MYOZ2: variants seen among roughly 807,000 people sequenced by gnomAD.
The protein encoded by MYOZ2 is myozenin 2.
A neutral mutation model predicts 25.4 loss-of-function variants in MYOZ2; 19 were observed. That is an observed-to-expected ratio of 0.75 (90% confidence interval 0.52 to 1.10). The LOEUF (loss-of-function observed/expected upper bound fraction) is 1.10. MYOZ2 is among the 50% of genes least tolerant of loss of function. The probability of loss-of-function intolerance (pLI) is 0.00; values close to 1 mark genes in which losing one functional copy is unlikely to be tolerated. For synonymous variants in MYOZ2, 92 were observed against 106.9 expected (o/e 0.86, Z 0.86); for missense variants, 270 against 317.9 (o/e 0.85, Z 1.15).
intron 5 of MYOZ2, among the ~76,000 whole-genome samples, chr4:119,165,264 C>A (rs1276272239): frequency 6.6e-6 from 1 of 151,644 alleles, no homozygotes; most frequent in African/African-American, 2.4e-5. Flanking sequence ...CATCCCAGCA[C>A]TTTGGGAGGC....
chr4:119,173,529 G>GTAGC (rs1741986436), intron 5 of MYOZ2, among the ~76,000 whole-genome samples: 1 of 152,226 alleles, frequency 6.6e-6, no homozygotes, highest in South Asian at 2.1e-4. Context: ...CAAACAGGAT[G>GTAGC]TAGCCTCAAT....
Position 119,186,154 on chromosome 4 carries a change from C to G in MYOZ2, c.749C>G (p.Thr250Ser). 6.2e-7 allele frequency: 1 copy of G among 1,613,874 alleles called. No homozygotes were observed. The highest frequency in any genetic ancestry group is 8.5e-7 in the Non-Finnish European group (1 of 1,179,876). ...ISENIPIVIT[T>S]EPTDDTTVPE... is the part of the protein sequence containing the mutation. ...GAGAATATTCCTATAGTGATAACAA[C>G]CGAACCTACAGATGATACCACTGTA... The change falls in exon 6 of 6, where the codon ACC becomes AGC. Residue 250 changes from threonine to serine, a missense_variant. Transcript: ENST00000307128.
chr4:119,169,715 C>T, intron 5 of MYOZ2, among the ~76,000 whole-genome samples: 1 of 152,166 alleles, frequency 6.6e-6, no homozygotes, highest in East Asian at 1.9e-4. Flanking sequence ...AGTATAGGGT[C>T]TTCCAGGGAG....
At position 119,160,915 on chromosome 4, in the gene MYOZ2, A is replaced by C. The variant is rs1741693594; in HGVS notation, c.376+2764A>C. Reference sequence around the variant, plus strand: ...GCTATCTGAACTATATATTATTCTTATTTGTATATAAATTTATATATAAAT... The same window carrying C: ...GCTATCTGAACTATATATTATTCTTCTTTGTATATAAATTTATATATAAAT... On this transcript the variant is annotated intron_variant, in intron 4 of 5. Coordinates refer to ENST00000307128, the MANE Select transcript of MYOZ2 (RefSeq NM_016599.5). Among the ~76,000 whole-genome samples, 8 of 125,422 alleles carry C rather than the reference A, an allele frequency of 6.4e-5. 1 individual carries two copies. In the South Asian group the frequency reaches 2.2e-3, roughly 35 times the overall value. 82.3% of individuals were successfully genotyped at this position (125,422 alleles called of 152,430 possible).
chr4:119,167,637 T>C (rs377385573), intron 5 of MYOZ2, among the ~76,000 whole-genome samples: 3 of 152,236 alleles, frequency 2.0e-5, no homozygotes, highest in East Asian at 3.8e-4. Flanking sequence ...GAGAAGTCAA[T>C]GCTTGGCTTT....
In MYOZ2 at chr4:119,187,469, T is replaced by C. The variant is rs1264971371; in HGVS notation, c.*1269T>C. ...ACATGTTTACAAAAAAAAATCTGTG[T>C]TTGTAGTGTGGAAGTTGGTGACTGT... On this transcript the variant is annotated 3_prime_UTR_variant, in exon 6 of 6. Transcript: ENST00000307128. 6.6e-6 allele frequency: 1 copy of C among 152,068 alleles called. No homozygotes were observed. The highest frequency in any genetic ancestry group is 1.5e-5 in the Non-Finnish European group (1 of 67,986). 9.4% of individuals were successfully genotyped at this position (152,068 alleles called of 1,614,324 possible). A position where few individuals can be genotyped will look rare whatever the true frequency, so the allele number is the denominator to read the frequency against.
chr4:119,168,342 C>G (rs1180665702), intron 5 of MYOZ2, among the ~76,000 whole-genome samples: 1 of 152,176 alleles, frequency 6.6e-6, no homozygotes, highest in Non-Finnish European at 1.5e-5. Flanking sequence ...TTTTGACTAT[C>G]AAGCCTTATT....
intron 2 of MYOZ2, among the ~76,000 whole-genome samples, chr4:119,138,886 C>T (rs906009155): frequency 1.4e-4 from 22 of 152,002 alleles, no homozygotes; most frequent in Non-Finnish European, 3.2e-4. Flanking sequence ...AGATTGCAGC[C>T]GGTGAGTCTT....
chr4:119,149,166 G>A (rs1298630012), intron 2 of MYOZ2, among the ~76,000 whole-genome samples: 1 of 152,096 alleles, frequency 6.6e-6, no homozygotes, highest in East Asian at 1.9e-4. Flanking sequence ...AAACTTGAGG[G>A]GAGCCTCTTT....
chr4:119,156,854 A>T (rs1201207020), intron 3 of MYOZ2, among the ~76,000 whole-genome samples: 1 of 152,212 alleles, frequency 6.6e-6, no homozygotes, highest in Non-Finnish European at 1.5e-5. Context: ...TGCTGCAGAG[A>T]TTAACATGAA....
intron 3 of MYOZ2, among the ~76,000 whole-genome samples, chr4:119,151,597 A>C (rs1039781530): frequency 6.6e-6 from 1 of 152,160 alleles, no homozygotes; most frequent in African/African-American, 2.4e-5. Context: ...AAAGCTAATA[A>C]ACAAACAAAA....
intron 2 of MYOZ2, among the ~76,000 whole-genome samples, chr4:119,148,981 A>G (rs1286395455): frequency 6.6e-6 from 1 of 151,964 alleles, no homozygotes. Flanking sequence ...TTTTCATAAT[A>G]TATATAAGTG....
intron 2 of MYOZ2, among the ~76,000 whole-genome samples, chr4:119,144,355 A>G (rs1349230654): frequency 6.6e-6 from 1 of 152,116 alleles, no homozygotes; most frequent in Non-Finnish European, 1.5e-5. Flanking sequence ...TTAATAGTTT[A>G]CCCATTGAAG....
At chr4:119,150,188 G>C (rs1384990318) in intron 2 of MYOZ2, among the ~76,000 whole-genome samples, 1 of 152,022 alleles carries the variant, frequency 6.6e-6, no homozygotes, top group Non-Finnish European at 1.5e-5. Context: ...GACACAGAAA[G>C]TAAAACCTAA....
intron 5 of MYOZ2, among the ~76,000 whole-genome samples, chr4:119,165,272 G>A (rs920771756): frequency 6.6e-6 from 1 of 151,646 alleles, no homozygotes; most frequent in Non-Finnish European, 1.5e-5. Context: ...CACTTTGGGA[G>A]GCTGAGGTGG....
intron 4 of MYOZ2, among the ~76,000 whole-genome samples, chr4:119,161,947 A>C (rs1741718427): frequency 6.6e-6 from 1 of 152,168 alleles, no homozygotes; most frequent in Admixed American, 6.5e-5. Context: ...AATTTTATAA[A>C]ACTTAAAATT....
chr4:119,178,462 A>T (rs62326341), intron 5 of MYOZ2, among the ~76,000 whole-genome samples: 35,458 of 152,082 alleles, frequency 0.23, 4,715 homozygotes, highest in South Asian at 0.35. Context: ...CTAGCTCCAA[A>T]TGGGCTCCTT....
Position 119,164,257 on chromosome 4 carries a change from C to T in MYOZ2, c.423C>T (p.Thr141=), listed in dbSNP as rs148220911. Residue 141 remains threonine (T), a synonymous_variant, in exon 5 of 6, where the codon ACC becomes ACT. Coordinates refer to ENST00000307128, the MANE Select transcript of MYOZ2 (RefSeq NM_016599.5). The stretch of plus-strand genomic sequence containing the variant: ...AAATTCCTCCTGAAAAATTCAACAC[C>T]ACAGCTGTCCCTAAGTACTATCAAT... The part of the protein sequence containing the change: ...LKEIPPEKFN[T]TAVPKYYQSP... 24 of 1,613,840 alleles carry T rather than the reference C, an allele frequency of 1.5e-5. No individual in the cohort carries two copies. Among genetic ancestry groups the T allele is most frequent in the Admixed American group, 5.0e-5 (3 of 59,986 alleles).
At chr4:119,160,456 A>G (rs1387839853) in intron 4 of MYOZ2, among the ~76,000 whole-genome samples, 1 of 152,160 alleles carries the variant, frequency 6.6e-6, no homozygotes, top group Non-Finnish European at 1.5e-5. Context: ...AATGAATAGA[A>G]GAATTAATCT....
Sources: allele counts gnomAD v4.1 joint callset (sites outside exome capture counted in the v4.1 genomes callset), GRCh38; gene constraint gnomAD v4.1.1; transcripts MANE v1.5; gene names NCBI Gene and HGNC (gene_info 2026-07-23, HGNC 2026-07-21).